Variants in PRUNE2 observed in about 807,000 individuals in gnomAD.
PRUNE2 encodes the protein prune homolog 2 with BCH domain.
A neutral mutation model predicts 252.0 loss-of-function variants in PRUNE2; 164 were observed. The observed-to-expected ratio is 0.65, with a 90% CI of 0.57 to 0.74. The LOEUF (loss-of-function observed/expected upper bound fraction) is 0.74, where lower values mean the gene tolerates loss of function less well. Among genes scored for constraint, PRUNE2 ranks in the 30% least tolerant of loss-of-function variants. PRUNE2 has a pLI of 0.00. For synonymous variants in PRUNE2, 1,292 were observed against 1,350.2 expected, an observed-to-expected ratio of 0.96 and a Z score of 0.94; for missense variants, 3,495 against 3,711.0, an observed-to-expected ratio of 0.94 and a Z score of 1.51.
At chr9:76,749,775 T>A (rs897895155) in intron 6 of PRUNE2, among the ~76,000 whole-genome samples, 20 of 152,134 alleles carry the variant, frequency 1.3e-4, no homozygotes, top group Non-Finnish European at 2.6e-4. Flanking sequence ...CCACTTTAAC[T>A]GGAAATGTAT....
chr9:76,806,508 CTTTT>C (rs536359235), intron 6 of PRUNE2, among the ~76,000 whole-genome samples: 2 of 131,158 alleles, frequency 1.5e-5, no homozygotes, highest in African/African-American at 2.9e-5. Context: ...AGGCACCATT[CTTTT>C]TTTTTTTTTT....
At chr9:76,794,413 G>A (rs114858660) in intron 6 of PRUNE2, among the ~76,000 whole-genome samples, 3,602 of 152,078 alleles carry the variant, frequency 0.024, 76 homozygotes, top group African/African-American at 0.058. Context: ...TTAAGAGATC[G>A]AGGTCATCCT....
Position 76,705,775 on chromosome 9 carries a change from C to T in PRUNE2, c.6499G>A (p.Val2167Met), listed in dbSNP as rs755511107. The change falls in exon 8 of 19, where the codon GTG becomes ATG. Residue 2167 changes from valine to methionine, a missense_variant. By Grantham distance (21) the Val-to-Met change is conservative. Transcript: ENST00000376718. ...GCTTGATAGCCAATTGGAGGCAGCACAGTTGCGTTTTCAGAATCGAGTTCT... is the reference window on the plus strand; with the variant it reads ...GCTTGATAGCCAATTGGAGGCAGCATAGTTGCGTTTTCAGAATCGAGTTCT... ...NAELDSENATVLPPIGYQADI... is the reference protein window; with the variant it reads ...NAELDSENATMLPPIGYQADI... 6.2e-7 allele frequency: 1 copy of T among 1,613,834 alleles called. No individual in the cohort carries two copies. Among genetic ancestry groups the T allele is most frequent in the Non-Finnish European group, 8.5e-7 (1 of 1,179,896 alleles).
At chr9:76,859,777 C>T (rs970404446) in intron 1 of PRUNE2, among the ~76,000 whole-genome samples, 2 of 151,988 alleles carry the variant, frequency 1.3e-5, no homozygotes, top group Non-Finnish European at 2.9e-5. Flanking sequence ...GGCATGATTT[C>T]GGCTCACTGC....
rs772186247 is a variant in PRUNE2 at position 76,710,467 on chromosome 9, T to C, written c.1807A>G (p.Asn603Asp). The change falls in exon 8 of 19, where the codon AAT (asparagine) becomes GAT (aspartate). Residue 603 changes from asparagine (N) to aspartate (D), a missense_variant. By Grantham distance (23) the Asn-to-Asp change is conservative. Transcript: ENST00000376718. Reference protein sequence around the residue: ...DESPSPERLKNTGKRIPPTPM... With the variant: ...DESPSPERLKDTGKRIPPTPM... ...GTTGGTGGGATCCTCTTTCCAGTAT[T>C]TTTTAGCCTTTCTGGGGAAGGGGAT... is the stretch of plus-strand genomic sequence containing the variant. The C allele has an allele frequency of 6.2e-7, 1 of 1,613,862 alleles. No homozygotes were observed. Among genetic ancestry groups the C allele is most frequent in the Non-Finnish European group, 8.5e-7 (1 of 1,179,898 alleles).
At chr9:76,845,843 C>T (rs2059641879) in intron 4 of PRUNE2, among the ~76,000 whole-genome samples, 1 of 152,128 alleles carries the variant, frequency 6.6e-6, no homozygotes, top group Admixed American at 6.5e-5. Flanking sequence ...AATGGAATTT[C>T]TGTGGTAATT....
intron 9 of PRUNE2, among the ~76,000 whole-genome samples, chr9:76,697,037 A>G (rs1350186076): frequency 6.6e-6 from 1 of 152,180 alleles, no homozygotes; most frequent in Non-Finnish European, 1.5e-5. Context: ...TGAATGTGTC[A>G]TCACTTTCTT....
intron 6 of PRUNE2, among the ~76,000 whole-genome samples, chr9:76,757,139 G>A (rs1229576716): frequency 2.0e-5 from 3 of 152,114 alleles, no homozygotes; most frequent in African/African-American, 4.8e-5. Flanking sequence ...TGCATTTACA[G>A]GACCTTTATA....
chr9:76,639,364 G>A (rs1264536263), intron 12 of PRUNE2, among the ~76,000 whole-genome samples: 4 of 152,096 alleles, frequency 2.6e-5, no homozygotes, highest in Non-Finnish European at 4.4e-5. Context: ...GGTGGCACAC[G>A]CCTGTAATCC....
chr9:76,751,851 C>G (rs1199848691), intron 6 of PRUNE2, among the ~76,000 whole-genome samples: 1 of 152,166 alleles, frequency 6.6e-6, no homozygotes, highest in Non-Finnish European at 1.5e-5. Flanking sequence ...GGTTTGGAAG[C>G]AGTGGATTTT....
intron 1 of PRUNE2, among the ~76,000 whole-genome samples, chr9:76,904,725 G>A (rs1430300983): frequency 1.3e-5 from 2 of 152,140 alleles, no homozygotes; most frequent in East Asian, 3.8e-4. Flanking sequence ...TCAACTCTCT[G>A]GGAGGTTTCA....
At chr9:76,730,997 G>A (rs1489141147) in intron 6 of PRUNE2, among the ~76,000 whole-genome samples, 1 of 152,170 alleles carries the variant, frequency 6.6e-6, no homozygotes, top group Non-Finnish European at 1.5e-5. Flanking sequence ...CCCAGAGAGT[G>A]TGGAATTTAT....
chr9:76,624,399 T>A, intron 17 of PRUNE2, 53 bp downstream of exon 17: 1 of 1,282,034 alleles, frequency 7.8e-7, no homozygotes, highest in Non-Finnish European at 1.0e-6. Context: ...CCAATTCAGT[T>A]CTGAAATGCA....
Position 76,637,535 on chromosome 9 carries a change from G to A in PRUNE2, c.8846C>T (p.Thr2949Ile), listed in dbSNP as rs1840692535. The change falls in exon 14 of 19, where the codon ACT (threonine) becomes ATT (isoleucine). Residue 2949 changes from threonine (T) to isoleucine (I), a missense_variant. Transcript: ENST00000376718. Reference protein sequence around the residue: ...MENLFLYVISTLELMVAEDYM... With the variant: ...MENLFLYVISILELMVAEDYM... ...GTCTTCAGCTACCATCAACTCTAAA[G>A]TACTTATTACATATCTGATCACAGG... The A allele has an allele frequency of 6.2e-7, 1 of 1,612,802 alleles. No homozygotes were observed. The highest frequency in any genetic ancestry group is 1.3e-5 in the African/African-American group (1 of 74,830).
At chr9:76,762,357 A>G (rs537943361) in intron 6 of PRUNE2, among the ~76,000 whole-genome samples, 2 of 152,340 alleles carry the variant, frequency 1.3e-5, no homozygotes, top group African/African-American at 2.4e-5. Flanking sequence ...CGGATAACCT[A>G]TTAATAAGGG....
At chr9:76,684,130 A>G (rs191425103) in intron 9 of PRUNE2, among the ~76,000 whole-genome samples, 12 of 152,280 alleles carry the variant, frequency 7.9e-5, no homozygotes, top group Non-Finnish European at 1.3e-4. Flanking sequence ...TAATTTTGAA[A>G]TATACAATGC....
At chr9:76,802,622 A>G (rs966145409) in intron 6 of PRUNE2, among the ~76,000 whole-genome samples, 1 of 152,204 alleles carries the variant, frequency 6.6e-6, no homozygotes, top group Admixed American at 6.5e-5. Flanking sequence ...TGACACATAC[A>G]TGAATATAAA....
intron 1 of PRUNE2, among the ~76,000 whole-genome samples, chr9:76,880,734 C>T (rs748609727): frequency 1.3e-5 from 2 of 151,994 alleles, no homozygotes; most frequent in African/African-American, 2.4e-5. Flanking sequence ...AGCAATTGTG[C>T]GATTATTTGA....
chr9:76,676,366 G>A (rs571239097), intron 9 of PRUNE2, among the ~76,000 whole-genome samples: 80 of 26,960 alleles, frequency 3.0e-3, no homozygotes, highest in Non-Finnish European at 0.029. Flanking sequence ...GTATTTCAAT[G>A]TAAAAAAAAA....
Sources: allele counts gnomAD v4.1 joint callset (sites outside exome capture counted in the v4.1 genomes callset), GRCh38; gene constraint gnomAD v4.1.1; transcripts MANE v1.5; gene names NCBI Gene and HGNC (gene_info 2026-07-23, HGNC 2026-07-21).